The following SYN3 variants were observed in gnomAD, a reference collection of about 807,000 sequenced individuals.
SYN3 encodes the protein synapsin III, also known as synapsin-3.
In SYN3, 35 loss-of-function variants were observed where a neutral mutation model predicts 65.8. That is an observed-to-expected ratio of 0.53 (90% CI 0.41 to 0.70). SYN3 has a LOEUF of 0.70. Ranked by LOEUF, SYN3 falls within the 30% of genes least tolerant of loss-of-function variation. The probability of loss-of-function intolerance (pLI) is 0.00; values close to 1 mark genes in which losing one functional copy is unlikely to be tolerated. For synonymous variants in SYN3, 270 were observed against 292.9 expected (o/e 0.92, Z 0.80); for missense variants, 680 against 749.0 (o/e 0.91, Z 1.08).
At chr22:32,686,391 C>CT (rs1210786143) in intron 6 of SYN3, among the ~76,000 whole-genome samples, 247 of 138,078 alleles carry the variant, frequency 1.8e-3, no homozygotes, top group Admixed American at 3.2e-3. Context: ...TCTACATCTC[C>CT]TTTTTTTTTT....
chr22:32,633,647 GA>G (rs2059776889), intron 6 of SYN3, among the ~76,000 whole-genome samples: 1 of 152,124 alleles, frequency 6.6e-6, no homozygotes, highest in Non-Finnish European at 1.5e-5. Flanking sequence ...TTTTGAGACA[GA>G]GTCTTGCTTT....
At chr22:32,636,269 G>T (rs1320207076) in intron 6 of SYN3, among the ~76,000 whole-genome samples, 2 of 152,210 alleles carry the variant, frequency 1.3e-5, no homozygotes, top group African/African-American at 2.4e-5. Context: ...GGGCGTGGTG[G>T]CCAGTGCCTG....
At position 32,879,467 on chromosome 22, in the gene SYN3, G is replaced by A. The variant is rs80258084; in HGVS notation, c.462-10342C>T. 9.2e-3 allele frequency among the ~76,000 whole-genome samples: 1,394 copies of A among 152,262 alleles called. 19 individuals are homozygous for A. The highest frequency in any genetic ancestry group is 0.032 in the African/African-American group (1,311 of 41,534). ...AGCTGATGTGATGCTGGGGAGGTGG[G>A]GGACCTGCTTTCTGGTTTGTAGATG... On this transcript the variant is annotated intron_variant, in intron 4 of 13. Transcript: ENST00000358763.
chr22:32,581,973 T>C (rs1214092352), intron 7 of SYN3, among the ~76,000 whole-genome samples: 1 of 151,964 alleles, frequency 6.6e-6, no homozygotes, highest in Non-Finnish European at 1.5e-5. Flanking sequence ...ATAATTTTTA[T>C]ATTTTTAGTA....
At chr22:32,767,800 A>G (rs964910207) in intron 6 of SYN3, among the ~76,000 whole-genome samples, 1 of 152,118 alleles carries the variant, frequency 6.6e-6, no homozygotes. Context: ...TTTATCATTC[A>G]TCTTTCTAGG....
rs536284126 is a variant in SYN3, at chr22:32,600,947, A to G, written c.712-4211T>C. 2.7e-4 allele frequency among the ~76,000 whole-genome samples: 41 copies of G among 152,294 alleles called. No individual in the cohort carries two copies. The South Asian group carries it at 7.9e-3, about 29-fold the overall frequency. On this transcript the variant is annotated intron_variant, in intron 6 of 13. Coordinates refer to ENST00000358763, the MANE Select transcript of SYN3 (RefSeq NM_003490.4). ...GGTAATCCACCCACCTCGGCCTGCCAAAGTTCTGGGATAACAGGCGTGAGC... is the reference window on the plus strand; with the variant it reads ...GGTAATCCACCCACCTCGGCCTGCCGAAGTTCTGGGATAACAGGCGTGAGC...
At chr22:33,032,227 G>T (rs943788571) in intron 1 of SYN3, among the ~76,000 whole-genome samples, 2 of 146,392 alleles carry the variant, frequency 1.4e-5, no homozygotes, top group Admixed American at 6.9e-5. Flanking sequence ...AAAAAAAAAT[G>T]CTGGGCATGG....
chr22:32,974,912 G>A (rs1393750778), intron 3 of SYN3, among the ~76,000 whole-genome samples: 1 of 152,072 alleles, frequency 6.6e-6, no homozygotes, highest in Non-Finnish European at 1.5e-5. Flanking sequence ...AGATGTTTTA[G>A]GTAAAAAGCA....
At chr22:32,941,102 C>G (rs1003460571) in intron 3 of SYN3, among the ~76,000 whole-genome samples, 1 of 152,104 alleles carries the variant, frequency 6.6e-6, no homozygotes, top group Admixed American at 6.6e-5. Context: ...CCTCACTTAT[C>G]TTAAAGGTTA....
chr22:32,602,988 T>C (rs1224371340), intron 6 of SYN3, among the ~76,000 whole-genome samples: 1 of 151,974 alleles, frequency 6.6e-6, no homozygotes, highest in Admixed American at 6.6e-5. Flanking sequence ...CTTTTTTTTT[T>C]TTTTGAGATG....
intron 1 of SYN3, among the ~76,000 whole-genome samples, chr22:33,014,109 TCTCA>T (rs1192149402): frequency 1.3e-5 from 2 of 149,620 alleles, no homozygotes; most frequent in South Asian, 2.1e-4. Flanking sequence ...GGGGCGGGGC[TCTCA>T]CTATGTTGCC....
At chr22:32,867,947 GAA>G (rs2048732399) in intron 5 of SYN3, among the ~76,000 whole-genome samples, 1 of 152,174 alleles carries the variant, frequency 6.6e-6, no homozygotes, top group African/African-American at 2.4e-5. Context: ...TAAATCAAAT[GAA>G]TGACTGAAAC....
intron 1 of SYN3, among the ~76,000 whole-genome samples, chr22:33,053,359 G>T (rs2054203072): frequency 6.6e-6 from 1 of 152,102 alleles, no homozygotes; most frequent in Non-Finnish European, 1.5e-5. Flanking sequence ...GGAGGCGGAG[G>T]TTGCAGTGAG....
chr22:32,650,865 C>T (rs1445061373), intron 6 of SYN3, among the ~76,000 whole-genome samples: 1 of 152,198 alleles, frequency 6.6e-6, no homozygotes, highest in African/African-American at 2.4e-5. Flanking sequence ...AAAAATATTA[C>T]AATACCAAGT....
At chr22:32,619,834 C>T (rs2059570407) in intron 6 of SYN3, among the ~76,000 whole-genome samples, 1 of 152,214 alleles carries the variant, frequency 6.6e-6, no homozygotes, top group Non-Finnish European at 1.5e-5. Flanking sequence ...CTCTCTGGGA[C>T]CCCGTAATCA....
At chr22:32,877,455 G>A (rs896430065) in intron 4 of SYN3, among the ~76,000 whole-genome samples, 2 of 152,154 alleles carry the variant, frequency 1.3e-5, no homozygotes, top group East Asian at 1.9e-4. Flanking sequence ...TCAGCACTGT[G>A]GACATTTTCA....
intron 6 of SYN3, among the ~76,000 whole-genome samples, chr22:32,863,482 C>G (rs1230551098): frequency 6.6e-6 from 1 of 152,156 alleles, no homozygotes; most frequent in Non-Finnish European, 1.5e-5. Context: ...TAGTTGGGAA[C>G]ACCAGGAACT....
At chr22:32,698,584 TA>T (rs965555953) in intron 6 of SYN3, among the ~76,000 whole-genome samples, 1 of 152,212 alleles carries the variant, frequency 6.6e-6, no homozygotes, top group African/African-American at 2.4e-5. Flanking sequence ...TAGTGTTTTA[TA>T]AATAATAACT....
At chr22:32,539,057 G>A (rs777824169) in intron 8 of SYN3, among the ~76,000 whole-genome samples, 1 of 152,200 alleles carries the variant, frequency 6.6e-6, no homozygotes, top group Admixed American at 6.5e-5. Flanking sequence ...AAGACTGAAC[G>A]AGTTTAAGCA....
Sources: allele counts gnomAD v4.1 joint callset (sites outside exome capture counted in the v4.1 genomes callset), GRCh38; gene constraint gnomAD v4.1.1; transcripts MANE v1.5; gene names NCBI Gene and HGNC (gene_info 2026-07-23, HGNC 2026-07-21).